Variants in ADCY8 observed in about 807,000 individuals in gnomAD.
ADCY8 encodes the protein adenylate cyclase 8.
In ADCY8, 51 loss-of-function variants were observed where a neutral mutation model predicts 119.7. The observed-to-expected ratio is 0.43, with a 90% CI of 0.34 to 0.54. The LOEUF is 0.54. ADCY8 is among the 20% of genes least tolerant of loss of function. ADCY8 has a pLI of 0.03. For missense variants in ADCY8, 1,383 were observed against 1,598.8 expected (o/e 0.87, Z 2.30); for synonymous variants, 665 against 651.0 (o/e 1.02, Z -0.33).
At position 130,911,777 on chromosome 8, in the gene ADCY8, G is replaced by A. The variant is rs570632791; in HGVS notation, c.1482-1911C>T. Among the ~76,000 whole-genome samples, 46 of 149,930 alleles carry A rather than the reference G, an allele frequency of 3.1e-4. No individual in the cohort carries two copies. In the South Asian group the frequency reaches 5.1e-3, roughly 16 times the overall value. On this transcript the variant is annotated intron_variant, in intron 5 of 17. Coordinates refer to ENST00000286355, the MANE Select transcript of ADCY8 (RefSeq NM_001115.3). ...TGAATATAATTAAATATAATTAATA[G>A]AATAGTTAATAAATATAATTTTATT...
intron 5 of ADCY8, among the ~76,000 whole-genome samples, chr8:130,925,354 C>T (rs763357838): frequency 4.7e-4 from 71 of 152,284 alleles, no homozygotes; most frequent in Non-Finnish European, 7.6e-4. Flanking sequence ...ACTCAGCCTC[C>T]CTTGCAATAT....
At chr8:130,956,147 A>T (rs1421833528) in intron 2 of ADCY8, among the ~76,000 whole-genome samples, 1 of 152,196 alleles carries the variant, frequency 6.6e-6, no homozygotes, top group Non-Finnish European at 1.5e-5. Flanking sequence ...CCTGCCTCAA[A>T]AAAACAAACA....
chr8:130,891,556 G>T (rs1429695334), intron 7 of ADCY8, among the ~76,000 whole-genome samples: 1 of 152,090 alleles, frequency 6.6e-6, no homozygotes. Flanking sequence ...TCTTAAGAAA[G>T]CTCATACCTT....
chr8:130,995,624 A>G (rs936919151), intron 1 of ADCY8, among the ~76,000 whole-genome samples: 9 of 151,858 alleles, frequency 5.9e-5, no homozygotes, highest in African/African-American at 2.2e-4. Flanking sequence ...CATTTCTGGG[A>G]CATTCAAATG....
At position 130,912,031 on chromosome 8, in the gene ADCY8, G is replaced by A. The variant is rs534924456; in HGVS notation, c.1482-2165C>T. Among the ~76,000 whole-genome samples the A allele has an allele frequency of 3.2e-4, 48 of 152,180 alleles. No individual in the cohort carries two copies. In the South Asian group the frequency reaches 9.7e-3, roughly 31 times the overall value. On this transcript the variant is annotated intron_variant, in intron 5 of 17. Transcript: ENST00000286355. ...CTTGTGTTCCTTCTTTCCTCTCTGG[G>A]ACCATGGTGCTTCCTCAATCTGGAA...
intron 15 of ADCY8, among the ~76,000 whole-genome samples, chr8:130,793,201 T>C (rs1425090949): frequency 6.6e-6 from 1 of 152,164 alleles, no homozygotes; most frequent in African/African-American, 2.4e-5. Flanking sequence ...AAGCTGTTTC[T>C]ATGGATCAGT....
intron 1 of ADCY8, among the ~76,000 whole-genome samples, chr8:131,025,071 A>T (rs2130801048): frequency 6.6e-6 from 1 of 152,330 alleles, no homozygotes; most frequent in African/African-American, 2.4e-5. Context: ...AAGCCAAGAC[A>T]GGCTGAGTGG....
At chr8:130,890,371 A>G (rs1819144304) in intron 7 of ADCY8, among the ~76,000 whole-genome samples, 2 of 152,164 alleles carry the variant, frequency 1.3e-5, no homozygotes, top group South Asian at 4.1e-4. Context: ...ACTAAAAATA[A>G]AAAAATAAGA....
chr8:130,819,919 A>G (rs1816455867), intron 13 of ADCY8, among the ~76,000 whole-genome samples: 1 of 152,238 alleles, frequency 6.6e-6, no homozygotes, highest in African/African-American at 2.4e-5. Context: ...TGCAGACAGC[A>G]TCTTTGTTCT....
chr8:130,941,484 A>T (rs547543159), intron 4 of ADCY8, among the ~76,000 whole-genome samples: 1 of 150,164 alleles, frequency 6.7e-6, no homozygotes, highest in East Asian at 1.9e-4. Flanking sequence ...GGCATCTTTG[A>T]TAAAAAATAT....
chr8:130,983,413 G>A (rs73718855), intron 2 of ADCY8, among the ~76,000 whole-genome samples: 15,626 of 152,168 alleles, frequency 0.1, 2,581 homozygotes, highest in African/African-American at 0.35. Context: ...AGAGGGTAAT[G>A]AGTCTGTTGA....
intron 11 of ADCY8, among the ~76,000 whole-genome samples, chr8:130,846,085 G>A (rs1817287370): frequency 6.6e-6 from 1 of 152,136 alleles, no homozygotes; most frequent in Non-Finnish European, 1.5e-5. Flanking sequence ...CTCCTTGTTG[G>A]AATGTTTCTG....
intron 7 of ADCY8, among the ~76,000 whole-genome samples, chr8:130,903,013 C>G (rs970622396): frequency 6.6e-6 from 1 of 152,140 alleles, no homozygotes; most frequent in Non-Finnish European, 1.5e-5. Context: ...AGCAAGCATT[C>G]TGGGAGAACA....
chr8:131,018,237 C>T (rs1392993546), intron 1 of ADCY8, among the ~76,000 whole-genome samples: 1 of 152,096 alleles, frequency 6.6e-6, no homozygotes, highest in African/African-American at 2.4e-5. Context: ...AGAGGTAGTT[C>T]TTTCCCCTCC....
chr8:130,926,502 T>C (rs2130597708), intron 5 of ADCY8, among the ~76,000 whole-genome samples: 1 of 152,330 alleles, frequency 6.6e-6, no homozygotes, highest in African/African-American at 2.4e-5. Flanking sequence ...TATATATTTG[T>C]TGCATACCAC....
At chr8:130,864,143 T>C (rs2130376693) in intron 9 of ADCY8, among the ~76,000 whole-genome samples, 1 of 152,346 alleles carries the variant, frequency 6.6e-6, no homozygotes, top group Non-Finnish European at 1.5e-5. Flanking sequence ...GCTTACATGG[T>C]TTCTGACAAA....
intron 1 of ADCY8, among the ~76,000 whole-genome samples, chr8:131,014,803 T>G (rs560331109): frequency 2.0e-5 from 3 of 152,358 alleles, no homozygotes; most frequent in South Asian, 4.1e-4. Context: ...CATAATTACA[T>G]AGACCCCTTG....
chr8:130,854,018 CA>C (rs1307473434), intron 9 of ADCY8, among the ~76,000 whole-genome samples: 1 of 152,090 alleles, frequency 6.6e-6, no homozygotes, highest in Non-Finnish European at 1.5e-5. Context: ...TTCAGGAAAC[CA>C]AAAGCACTTT....
intron 8 of ADCY8, among the ~76,000 whole-genome samples, chr8:130,875,028 G>A (rs2164306): frequency 0.41 from 61,560 of 151,966 alleles, 13,340 homozygotes; most frequent in African/African-American, 0.56. Context: ...ATATTACACT[G>A]TTATAGGTGA....
Sources: gnomAD v4.1 joint callset for allele counts (sites outside exome capture counted in the v4.1 genomes callset) on GRCh38, gnomAD v4.1.1 for gene constraint, MANE v1.5 for transcripts, NCBI Gene and HGNC (gene_info 2026-07-23, HGNC 2026-07-21) for gene names.